The following FAM120B variants were observed in gnomAD, a reference collection of about 807,000 sequenced individuals.
FAM120B encodes the protein constitutive coactivator of peroxisome proliferator-activated receptor gamma.
FAM120B carries 83 observed loss-of-function variants against 96.3 expected under a neutral mutation model. The observed-to-expected ratio is 0.86, with a 90% confidence interval of 0.72 to 1.03. FAM120B has a LOEUF of 1.03. FAM120B is among the 50% of genes least tolerant of loss of function. The pLI is 0.00. For synonymous variants in FAM120B, 407 were observed against 402.7 expected (o/e 1.01, Z -0.13); for missense variants, 1,027 against 1,121.2 (o/e 0.92, Z 1.20).
chr6:170,348,174 T>C lies in FAM120B; in HGVS notation c.2041T>C (p.Leu681=), dbSNP rs1469004790. The change falls in exon 5 of 11, where the codon TTA becomes CTA. Residue 681 remains leucine, a synonymous_variant. Transcript: ENST00000476287. The stretch of plus-strand genomic sequence containing the variant: ...AGGGGGAACGCCTAGTTTGAAAATA[T>C]TATGGCTGAACCAAGAGCCAGAAAT... ...IPGGTPSLKI[L]WLNQEPEIQV... 4 of 1,613,824 alleles carry C rather than the reference T, an allele frequency of 2.5e-6. No homozygotes were observed. The highest frequency in any genetic ancestry group is 1.1e-5 in the South Asian group (1 of 91,046).
chr6:170,325,851 CAA>C (rs35486860), intron 3 of FAM120B, among the ~76,000 whole-genome samples: 105 of 119,440 alleles, frequency 8.8e-4, no homozygotes, highest in Non-Finnish European at 9.7e-4. Flanking sequence ...GACTTCATCT[CAA>C]AAAAAAAAAA....
chr6:170,291,045 A>G (rs2114969090), upstream of FAM120B: 1 of 700,292 alleles, frequency 1.4e-6, no homozygotes, highest in East Asian at 2.7e-5. Context: ...CACTTTTCCA[A>G]ACCCTCCTCT....
At chr6:170,377,934 A>T (rs527941083) in intron 6 of FAM120B, among the ~76,000 whole-genome samples, 2 of 119,832 alleles carry the variant, frequency 1.7e-5, no homozygotes, top group East Asian at 2.1e-3. Flanking sequence ...AGCACCATTC[A>T]TTCTGGATGG....
At chr6:170,362,741 G>A (rs1420548603) in intron 6 of FAM120B, among the ~76,000 whole-genome samples, 1 of 150,834 alleles carries the variant, frequency 6.6e-6, no homozygotes, top group Non-Finnish European at 1.5e-5. Flanking sequence ...GAGTACAGTG[G>A]TACAATCTTG....
At chr6:170,308,699 G>C (rs1032951188) in intron 1 of FAM120B, among the ~76,000 whole-genome samples, 2 of 152,110 alleles carry the variant, frequency 1.3e-5, no homozygotes, top group African/African-American at 4.8e-5. Flanking sequence ...GTCTTTCACA[G>C]CTTAGATCCC....
At position 170,372,576 on chromosome 6, in the gene FAM120B, T is replaced by C. The variant is rs1789263423; in HGVS notation, c.2283+14258T>C. On this transcript the variant is annotated intron_variant, in intron 6 of 10. Transcript: ENST00000476287. ...ATGCTGTTTCCTTAGGTAAATACTG[T>C]GTGGGCTTTTAGACAGCTGTCAGAT... Among the ~76,000 whole-genome samples the C allele has an allele frequency of 5.9e-5, 9 of 152,308 alleles. No individual in the cohort carries two copies. The South Asian group carries it at 1.9e-3, about 32-fold the overall frequency.
intron 6 of FAM120B, among the ~76,000 whole-genome samples, chr6:170,369,799 G>A (rs1789061748): frequency 6.6e-6 from 1 of 151,806 alleles, no homozygotes; most frequent in Admixed American, 6.6e-5. Flanking sequence ...AATCAGGAGA[G>A]CTCAGTTACT....
chr6:170,350,782 G>A (rs1583245486), intron 5 of FAM120B, among the ~76,000 whole-genome samples: 2 of 152,272 alleles, frequency 1.3e-5, no homozygotes, highest in Middle Eastern at 6.8e-3. Context: ...AAAGGTTATG[G>A]ATAGGGTTAG....
intron 4 of FAM120B, among the ~76,000 whole-genome samples, chr6:170,335,705 C>T (rs770102967): frequency 9.2e-5 from 14 of 152,288 alleles, no homozygotes; most frequent in Non-Finnish European, 1.5e-4. Flanking sequence ...ACCACATCCT[C>T]GCCAGCATAG....
intron 1 of FAM120B, among the ~76,000 whole-genome samples, chr6:170,310,394 C>G (rs1784524533): frequency 6.6e-6 from 1 of 152,238 alleles, no homozygotes; most frequent in African/African-American, 2.4e-5. Context: ...AAACATCCCA[C>G]AGGGTGGCTC....
chr6:170,353,820 C>T (rs1220536548), intron 5 of FAM120B, among the ~76,000 whole-genome samples: 1 of 152,114 alleles, frequency 6.6e-6, no homozygotes, highest in Non-Finnish European at 1.5e-5. Context: ...TAGGAAGAAT[C>T]GACATTGTGA....
chr6:170,391,139 G>T lies in FAM120B; in HGVS notation c.2599+18G>T. 6.4e-7 allele frequency: 1 copy of T among 1,551,032 alleles called. No individual in the cohort carries two copies. Among genetic ancestry groups the T allele is most frequent in the Non-Finnish European group, 8.9e-7 (1 of 1,123,406 alleles). On this transcript the variant is annotated intron_variant, in intron 8 of 10. Coordinates refer to ENST00000476287, the MANE Select transcript of FAM120B (RefSeq NM_032448.3). ...CCACGCAGGTGGGAAAGGGCCAGGT[G>T]CCTCTAGAAGCCCCACAAGCGTAGA...
At chr6:170,349,407 T>G (rs1334381229) in intron 5 of FAM120B, among the ~76,000 whole-genome samples, 1 of 152,252 alleles carries the variant, frequency 6.6e-6, no homozygotes, top group Non-Finnish European at 1.5e-5. Flanking sequence ...CTTTAAGAAA[T>G]GTACTCTTAT....
intron 6 of FAM120B, among the ~76,000 whole-genome samples, chr6:170,378,856 G>T (rs1464604226): frequency 6.6e-6 from 1 of 152,248 alleles, no homozygotes; most frequent in South Asian, 2.1e-4. Flanking sequence ...GGCTATTTGA[G>T]CTAAGACTTG....
chr6:170,382,911 C>T (rs911224919), intron 6 of FAM120B, among the ~76,000 whole-genome samples: 1 of 152,068 alleles, frequency 6.6e-6, no homozygotes, highest in Non-Finnish European at 1.5e-5. Context: ...TATATAACTG[C>T]AGTAATCAAG....
At chr6:170,368,956 A>G (rs1218245029) in intron 6 of FAM120B, among the ~76,000 whole-genome samples, 1 of 138,116 alleles carries the variant, frequency 7.2e-6, no homozygotes, top group East Asian at 2.9e-4. Flanking sequence ...CCATGAGCCA[A>G]TCAGCTCTCA....
At chr6:170,348,044 A>G (rs907479896) in intron 4 of FAM120B, 107 bp from the exon 5 acceptor site, 2 of 932,932 alleles carry the variant, frequency 2.1e-6, no homozygotes, top group Non-Finnish European at 3.2e-6. Context: ...TTCCTTTTAC[A>G]TCAGGAAGGG....
intron 4 of FAM120B, chr6:170,330,780 T>TTG (rs1156930730): frequency 3.7e-6 from 2 of 535,074 alleles, no homozygotes; most frequent in Admixed American, 6.8e-5. Context: ...CTCTGCCTCT[T>TTG]TCTCCATCCA....
intron 8 of FAM120B, among the ~76,000 whole-genome samples, chr6:170,392,857 GC>G: frequency 6.6e-6 from 1 of 152,326 alleles, no homozygotes; most frequent in Middle Eastern, 3.4e-3. Context: ...AGGGAAGGCT[GC>G]TTTTTCTACT....
Sources: gnomAD v4.1 joint callset for allele counts (sites outside exome capture counted in the v4.1 genomes callset) on GRCh38, gnomAD v4.1.1 for gene constraint, MANE v1.5 for transcripts, NCBI Gene and HGNC (gene_info 2026-07-23, HGNC 2026-07-21) for gene names.